SPATS2L: variants seen among roughly 807,000 people sequenced by gnomAD.
The protein encoded by SPATS2L is SPATS2-like protein.
A neutral mutation model predicts 59.6 loss-of-function variants in SPATS2L; 30 were observed. The ratio of observed to expected loss-of-function variants is 0.50; its 90% confidence interval spans 0.38 to 0.68. The LOEUF (loss-of-function observed/expected upper bound fraction) is 0.68, where lower values mean the gene tolerates loss of function less well. SPATS2L is among the 30% of genes least tolerant of loss of function. The pLI is 0.00. For synonymous variants in SPATS2L, 252 were observed against 263.5 expected, an observed-to-expected ratio of 0.96 and a Z score of 0.42; for missense variants, 615 against 700.0, an observed-to-expected ratio of 0.88 and a Z score of 1.37.
chr2:200,416,638 A>G (rs889373669), intron 5 of SPATS2L, among the ~76,000 whole-genome samples: 1 of 152,118 alleles, frequency 6.6e-6, no homozygotes, highest in Non-Finnish European at 1.5e-5. Flanking sequence ...CAGTGTTTTT[A>G]ACAACCAGGT....
Position 200,469,956 on chromosome 2 carries a change from G to A in SPATS2L, c.1000G>A (p.Ala334Thr), listed in dbSNP as rs753086619. Residue 334 changes from alanine to threonine, a missense_variant, in exon 11 of 13, where the codon GCT becomes ACT. Physicochemically the swap from Ala to Thr is moderately conservative, Grantham distance 58. Coordinates refer to ENST00000409140, the MANE Select transcript of SPATS2L (RefSeq NM_001100423.2). ...TAAATATGACGAGGAGCTCGGGAAAGCTGCCCGGTTTTCCTGTGACATCGA... is the reference window on the plus strand; with the variant it reads ...TAAATATGACGAGGAGCTCGGGAAAACTGCCCGGTTTTCCTGTGACATCGA... ...ERKYDEELGKAARFSCDIEQL... is the reference protein window; with the variant it reads ...ERKYDEELGKTARFSCDIEQL... 5.0e-5 allele frequency: 81 copies of A among 1,612,298 alleles called. No homozygotes were observed. The highest frequency in any genetic ancestry group is 5.8e-5 in the Non-Finnish European group (68 of 1,179,232).
chr2:200,393,201 G>C (rs556397254), intron 3 of SPATS2L: 1 of 456,660 alleles, frequency 2.2e-6, no homozygotes, highest in African/African-American at 2.0e-5. Context: ...CCATGGAAAG[G>C]AAAAGCACTT....
At chr2:200,308,847 C>CA in intron 1 of SPATS2L, 1 of 543,012 alleles carries the variant, frequency 1.8e-6, no homozygotes, top group South Asian at 2.8e-5. Context: ...TTTAGACAGG[C>CA]AAAATGATCA....
intron 6 of SPATS2L, among the ~76,000 whole-genome samples, chr2:200,438,502 C>G (rs2084459368): frequency 6.6e-6 from 1 of 152,190 alleles, no homozygotes; most frequent in Admixed American, 6.5e-5. Context: ...ATTGCCACAT[C>G]TATTAAATCT....
chr2:200,357,960 A>G (rs1276369718), intron 2 of SPATS2L, among the ~76,000 whole-genome samples: 1 of 152,194 alleles, frequency 6.6e-6, no homozygotes, highest in East Asian at 1.9e-4. Flanking sequence ...GACTTGCTTA[A>G]CCACTGAGAC....
chr2:200,364,494 A>G (rs2081206310), intron 2 of SPATS2L, among the ~76,000 whole-genome samples: 1 of 151,414 alleles, frequency 6.6e-6, no homozygotes, highest in African/African-American at 2.5e-5. Context: ...TTCTTTCTTA[A>G]TGTCAGTGGC....
chr2:200,324,121 C>T (rs1483630750), intron 1 of SPATS2L, among the ~76,000 whole-genome samples: 2 of 152,294 alleles, frequency 1.3e-5, no homozygotes, highest in South Asian at 2.1e-4. Flanking sequence ...TTCTGACCTC[C>T]TTGGCTTTTA....
chr2:200,479,623 A>G lies in SPATS2L; in HGVS notation c.*1592A>G, dbSNP rs1298543340. 1.3e-5 allele frequency: 5 copies of G among 398,530 alleles called. No individual in the cohort carries two copies. In the Admixed American group the frequency reaches 1.3e-4, roughly 11 times the overall value. The allele number at this position is 398,530 out of a possible 1,614,324, so 24.7% of individuals were successfully genotyped here. Reference sequence around the variant, plus strand: ...CCCCAGTTCCCCTAACTTTGACTACAGGGCAGTCCAGTTTGGGTGCCGCTT... The same window carrying G: ...CCCCAGTTCCCCTAACTTTGACTACGGGGCAGTCCAGTTTGGGTGCCGCTT... On this transcript the variant is annotated 3_prime_UTR_variant, in exon 13 of 13. Transcript: ENST00000409140.
chr2:200,468,841 T>C (rs866457159), intron 10 of SPATS2L, among the ~76,000 whole-genome samples: 3 of 152,230 alleles, frequency 2.0e-5, no homozygotes, highest in African/African-American at 7.2e-5. Flanking sequence ...AATCCCAGCT[T>C]GTTAGAACAT....
At chr2:200,360,184 G>A (rs1439520954) in intron 2 of SPATS2L, among the ~76,000 whole-genome samples, 1 of 152,242 alleles carries the variant, frequency 6.6e-6, no homozygotes, top group East Asian at 1.9e-4. Flanking sequence ...AATTTCACTG[G>A]GGTTTTAGAA....
At chr2:200,447,494 A>G (rs2085127578) in intron 8 of SPATS2L, among the ~76,000 whole-genome samples, 1 of 152,228 alleles carries the variant, frequency 6.6e-6, no homozygotes, top group Non-Finnish European at 1.5e-5. Flanking sequence ...GCATAGGAAA[A>G]ATACATATTA....
intron 2 of SPATS2L, among the ~76,000 whole-genome samples, chr2:200,353,324 T>C (rs1400558584): frequency 6.6e-6 from 1 of 152,116 alleles, no homozygotes; most frequent in Non-Finnish European, 1.5e-5. Context: ...CAAGTGGAGG[T>C]CCCTTGTATG....
chr2:200,469,971 T>C lies in SPATS2L; in HGVS notation c.1015T>C (p.Cys339Arg). Reference protein sequence around the residue: ...EELGKAARFSCDIEQLKAQIM... With the variant: ...EELGKAARFSRDIEQLKAQIM... ...GCTCGGGAAAGCTGCCCGGTTTTCC[T>C]GTGACATCGAACAGCTGAAGGCCCA... is the stretch of plus-strand genomic sequence containing the variant. Residue 339 changes from cysteine to arginine, a missense_variant, in exon 11 of 13, where the codon TGT becomes CGT. Physicochemically the swap from Cys to Arg is radical, Grantham distance 180. Transcript: ENST00000409140. 6.2e-7 allele frequency: 1 copy of C among 1,612,374 alleles called. No individual in the cohort carries two copies. Among genetic ancestry groups the C allele is most frequent in the Non-Finnish European group, 8.5e-7 (1 of 1,179,200 alleles).
chr2:200,457,754 A>C lies in SPATS2L; in HGVS notation c.789-2015A>C, dbSNP rs1057314190. Among the ~76,000 whole-genome samples the C allele has an allele frequency of 3.3e-5, 5 of 152,352 alleles. No homozygotes were observed. In the South Asian group the frequency reaches 1.0e-3, roughly 32 times the overall value. On this transcript the variant is annotated intron_variant, in intron 8 of 12. Coordinates refer to ENST00000409140, the MANE Select transcript of SPATS2L (RefSeq NM_001100423.2). ...CTGGTTGGGAAGAGCTGAGTTCCTCAGCACACAGTCCTTTACTCTTCAAGT... is the reference window on the plus strand; with the variant it reads ...CTGGTTGGGAAGAGCTGAGTTCCTCCGCACACAGTCCTTTACTCTTCAAGT...
chr2:200,314,887 T>C (rs755249778), intron 1 of SPATS2L, among the ~76,000 whole-genome samples: 1 of 152,264 alleles, frequency 6.6e-6, no homozygotes, highest in Non-Finnish European at 1.5e-5. Context: ...TGGTTACATG[T>C]TGAAACAGCA....
rs546639605 is a variant in SPATS2L, at chr2:200,422,324, C to T, written c.445+2828C>T. ...GGCTGAGGCGGGAGGATTGTTTGAG[C>T]CCAGCAGTCCAAGACCAGCCTGGGC... On this transcript the variant is annotated intron_variant, in intron 6 of 12. Transcript: ENST00000409140. Among the ~76,000 whole-genome samples, 20 of 152,196 alleles carry T rather than the reference C, an allele frequency of 1.3e-4. No homozygotes were observed. In the South Asian group the frequency reaches 2.7e-3, roughly 20 times the overall value.
rs552913207 is a variant in SPATS2L at position 200,448,578 on chromosome 2, CTCTA to C, written c.788+7798_788+7801del. On this transcript the variant is annotated intron_variant, in intron 8 of 12. Coordinates refer to ENST00000409140, the MANE Select transcript of SPATS2L (RefSeq NM_001100423.2). ...TTTTAAAAGACATTTAATAAAAGGG[CTCTA>C]TCTCTTTCTGCTCTGGAAATGAATA... is the stretch of plus-strand genomic sequence containing the variant. 2.4e-4 allele frequency among the ~76,000 whole-genome samples: 37 copies of C among 152,264 alleles called. No individual in the cohort carries two copies. The South Asian group carries it at 7.7e-3, about 32-fold the overall frequency.
intron 12 of SPATS2L, among the ~76,000 whole-genome samples, chr2:200,474,382 C>T (rs1156822570): frequency 2.0e-5 from 3 of 151,960 alleles, no homozygotes; most frequent in Non-Finnish European, 2.9e-5. Context: ...TCTCGGCCCA[C>T]TGCAGCCTCA....
chr2:200,411,142 C>A (rs748477712), intron 3 of SPATS2L, among the ~76,000 whole-genome samples: 1 of 152,050 alleles, frequency 6.6e-6, no homozygotes, highest in Admixed American at 6.5e-5. Context: ...CTTTACAAGT[C>A]ATATACCCAC....
Sources: gnomAD v4.1 joint callset for allele counts (sites outside exome capture counted in the v4.1 genomes callset) on GRCh38, gnomAD v4.1.1 for gene constraint, MANE v1.5 for transcripts, NCBI Gene and HGNC (gene_info 2026-07-23, HGNC 2026-07-21) for gene names.